Variants in IDE observed in about 807,000 individuals in gnomAD.
IDE encodes the protein insulin-degrading enzyme.
In IDE, 58 loss-of-function variants were observed where a neutral mutation model predicts 133.2. That is an observed-to-expected ratio of 0.44 (90% confidence interval 0.35 to 0.54). The LOEUF is 0.54. Among genes scored for constraint, IDE ranks in the 20% least tolerant of loss-of-function variants. The pLI is 0.00. For synonymous variants in IDE, 396 were observed against 421.3 expected (o/e 0.94, Z 0.73); for missense variants, 981 against 1,234.0 (o/e 0.79, Z 3.07).
chr10:92,456,843 T>TAAAAAA (rs1845041241), intron 22 of IDE, among the ~76,000 whole-genome samples: 1 of 16,586 alleles, frequency 6.0e-5, no homozygotes, highest in Non-Finnish European at 9.3e-5. Flanking sequence ...AGACTCTGTC[T>TAAAAAA]CAAAAAAAAA....
At chr10:92,559,840 C>T (rs1451406430) in intron 1 of IDE, among the ~76,000 whole-genome samples, 1 of 150,650 alleles carries the variant, frequency 6.6e-6, no homozygotes, top group Non-Finnish European at 1.5e-5. Flanking sequence ...CCGGCTCAAG[C>T]AATCCTCCCG....
intron 1 of IDE, chr10:92,572,984 C>A (rs763288917): frequency 7.1e-6 from 7 of 985,224 alleles, no homozygotes; most frequent in Non-Finnish European, 8.4e-6. Context: ...GGAAGGCAGA[C>A]ACATACTTTA....
chr10:92,560,827 T>C (rs1379969333), intron 1 of IDE, among the ~76,000 whole-genome samples: 2 of 151,792 alleles, frequency 1.3e-5, no homozygotes, highest in Non-Finnish European at 2.9e-5. Flanking sequence ...ACTCCTTTTA[T>C]GCATGCTCAC....
intron 18 of IDE, among the ~76,000 whole-genome samples, chr10:92,469,395 AG>A (rs945381644): frequency 4.6e-5 from 7 of 151,686 alleles, no homozygotes; most frequent in Non-Finnish European, 8.8e-5. Context: ...ATTGTTCTGG[AG>A]GGGGTATAGC....
In IDE at chr10:92,573,986, C is replaced by T. The variant is rs759744308; in HGVS notation, c.34G>A (p.Ala12Thr). The T allele has an allele frequency of 6.6e-7, 1 of 1,509,148 alleles. No individual in the cohort carries two copies. The highest frequency in any genetic ancestry group is 8.8e-7 in the Non-Finnish European group (1 of 1,131,190). The allele number at this position is 1,509,148 out of a possible 1,614,324, so 93.5% of individuals were successfully genotyped here. Residue 12 changes from alanine (A) to threonine (T), a missense_variant, in exon 1 of 25, where the codon GCA (alanine) becomes ACA (threonine). Transcript: ENST00000265986. ...RYRLAWLLHP[A>T]LPSTFRSVLG... ...ACTGAGCGGAAGGTGCTGGGCAGTG[C>T]GGGGTGCAGAAGCCACGCTAGCCGG...
intron 3 of IDE, among the ~76,000 whole-genome samples, chr10:92,532,968 G>C (rs1850025471): frequency 6.6e-6 from 1 of 152,052 alleles, no homozygotes; most frequent in African/African-American, 2.4e-5. Context: ...ATACCACAAG[G>C]GGAAACTCTA....
In IDE at chr10:92,548,461, C is replaced by T. The variant is rs369817412; in HGVS notation, c.99-10911G>A. Among the ~76,000 whole-genome samples, 3 of 150,866 alleles carry T rather than the reference C, an allele frequency of 2.0e-5. No individual in the cohort carries two copies. The East Asian group carries it at 5.9e-4, about 30-fold the overall frequency. On this transcript the variant is annotated intron_variant, in intron 1 of 24. Transcript: ENST00000265986. ...TATAGTTGCATCACACTCAGACAAC[C>T]TTTCACAGAGTTTCTCCTGTAAAAT...
intron 10 of IDE, among the ~76,000 whole-genome samples, chr10:92,505,850 AGGT>A (rs1848266846): frequency 6.6e-6 from 1 of 152,146 alleles, no homozygotes; most frequent in East Asian, 1.9e-4. Context: ...CAAATGGGAG[AGGT>A]GGGCTGGACA....
At chr10:92,530,683 T>C (rs753859683) in intron 4 of IDE, among the ~76,000 whole-genome samples, 1 of 152,214 alleles carries the variant, frequency 6.6e-6, no homozygotes, top group Admixed American at 6.5e-5. Context: ...CAGCATTATG[T>C]AGACATTCTA....
intron 1 of IDE, among the ~76,000 whole-genome samples, chr10:92,564,435 G>C (rs937183664): frequency 1.3e-5 from 2 of 151,970 alleles, no homozygotes; most frequent in African/African-American, 4.8e-5. Context: ...ACTTTAGGAG[G>C]CAGAGGCCGG....
chr10:92,488,767 ACT>A (rs1399850727), intron 12 of IDE, among the ~76,000 whole-genome samples: 2 of 145,738 alleles, frequency 1.4e-5, no homozygotes, highest in East Asian at 2.0e-4. Flanking sequence ...ACAGTACGAG[ACT>A]CTGTCTAAAA....
chr10:92,491,141 G>A (rs1847315603), intron 11 of IDE, among the ~76,000 whole-genome samples: 1 of 151,916 alleles, frequency 6.6e-6, no homozygotes, highest in Non-Finnish European at 1.5e-5. Flanking sequence ...GGAAAACTGA[G>A]GTGGGAGGAT....
In IDE at chr10:92,512,397, G is replaced by A. The variant is rs77474932; in HGVS notation, c.785-2235C>T. On this transcript the variant is annotated intron_variant, in intron 5 of 24. Coordinates refer to ENST00000265986, the MANE Select transcript of IDE (RefSeq NM_004969.4). ...ATGGGAGAGTGATGTGTATGGATCA[G>A]AGAATTGAGACACTTTATTTTTTAG... is the stretch of plus-strand genomic sequence containing the variant. Among the ~76,000 whole-genome samples, 1,430 of 152,270 alleles carry A rather than the reference G, an allele frequency of 9.4e-3. 16 individuals are homozygous for A. The highest frequency in any genetic ancestry group is 0.012 in the Non-Finnish European group (839 of 68,020).
chr10:92,567,564 T>G (rs913954428), intron 1 of IDE, among the ~76,000 whole-genome samples: 3 of 152,224 alleles, frequency 2.0e-5, no homozygotes, highest in African/African-American at 7.2e-5. Context: ...GTCACTGAAT[T>G]GCTCAAAAAG....
At chr10:92,462,522 C>T (rs1187912176) in intron 21 of IDE, among the ~76,000 whole-genome samples, 1 of 151,780 alleles carries the variant, frequency 6.6e-6, no homozygotes, top group East Asian at 1.9e-4. Flanking sequence ...GGCAGAATTG[C>T]TTGAACCCGG....
chr10:92,534,067 G>C (rs1850096659), intron 3 of IDE, among the ~76,000 whole-genome samples: 1 of 151,918 alleles, frequency 6.6e-6, no homozygotes, highest in Non-Finnish European at 1.5e-5. Context: ...CATCCTAATG[G>C]AGCTTGCTCC....
At chr10:92,487,958 G>A (rs974455781) in intron 12 of IDE, among the ~76,000 whole-genome samples, 13 of 151,100 alleles carry the variant, frequency 8.6e-5, no homozygotes, top group African/African-American at 3.2e-4. Context: ...CACCACACCC[G>A]ACTAATTTTC....
At chr10:92,562,447 A>AAACC (rs1159662629) in intron 1 of IDE, among the ~76,000 whole-genome samples, 1 of 152,226 alleles carries the variant, frequency 6.6e-6, no homozygotes, top group African/African-American at 2.4e-5. Flanking sequence ...TTCAAGATAA[A>AAACC]AAGAATAACC....
chr10:92,539,339 T>C (rs1038247143), intron 1 of IDE, among the ~76,000 whole-genome samples: 3 of 152,196 alleles, frequency 2.0e-5, no homozygotes, highest in African/African-American at 4.8e-5. Context: ...ATAGTGCTAA[T>C]GGTCTCCTAT....
Sources: gnomAD v4.1 joint callset for allele counts (sites outside exome capture counted in the v4.1 genomes callset) on GRCh38, gnomAD v4.1.1 for gene constraint, MANE v1.5 for transcripts, NCBI Gene and HGNC (gene_info 2026-07-23, HGNC 2026-07-21) for gene names.